The following PTBP3 variants were observed in gnomAD, a reference collection of about 807,000 sequenced individuals.
PTBP3 encodes the protein polypyrimidine tract binding protein 3.
In PTBP3, 20 loss-of-function variants were observed where a neutral mutation model predicts 58.7. That is an observed-to-expected ratio of 0.34 (90% confidence interval 0.24 to 0.50). The LOEUF (loss-of-function observed/expected upper bound fraction) is 0.50, where lower values mean the gene tolerates loss of function less well. Among genes scored for constraint, PTBP3 ranks in the 20% least tolerant of loss-of-function variants. The pLI is 0.98. For missense variants in PTBP3, 509 were observed against 637.2 expected, an observed-to-expected ratio of 0.80 and a Z score of 2.17; for synonymous variants, 185 against 219.8, an observed-to-expected ratio of 0.84 and a Z score of 1.40.
At chr9:112,249,244 G>A (rs1039277389) in intron 7 of PTBP3, among the ~76,000 whole-genome samples, 1 of 152,088 alleles carries the variant, frequency 6.6e-6, no homozygotes, top group African/African-American at 2.4e-5. Context: ...TACACGGGGT[G>A]CTTCTTCAGT....
At chr9:112,231,940 AAGAGAAGAGAAGAGAAGAGAAGAGAAG>A (rs1377759773) in intron 9 of PTBP3, among the ~76,000 whole-genome samples, 132 bp downstream of exon 9, 3 of 78,902 alleles carry the variant, frequency 3.8e-5, no homozygotes, top group African/African-American at 1.6e-4. Flanking sequence ...AAGAGAAGAG[AAGAGAAGAGAAGAGAAGAGAAGAGAAG>A]AGAGAAGAGA....
At chr9:112,336,711 C>T (rs1479069354), upstream of PTBP3, among the ~76,000 whole-genome samples, 4 of 151,970 alleles carry the variant, frequency 2.6e-5, no homozygotes, top group Admixed American at 2.0e-4. Flanking sequence ...AATAGCAGAG[C>T]GTGACCCCTA....
At chr9:112,287,013 C>T (rs145068443) in intron 2 of PTBP3, among the ~76,000 whole-genome samples, 1 of 152,186 alleles carries the variant, frequency 6.6e-6, no homozygotes, top group Non-Finnish European at 1.5e-5. Flanking sequence ...AGTGGTCCCC[C>T]CTCATCCGTC....
chr9:112,319,144 A>G (rs1356331084), intron 1 of PTBP3, among the ~76,000 whole-genome samples: 1 of 137,448 alleles, frequency 7.3e-6, no homozygotes, highest in East Asian at 2.1e-4. Flanking sequence ...AAAAAAAAAA[A>G]GAAAGAAAAT....
chr9:112,320,291 A>AAAATAT (rs1411646280), intron 1 of PTBP3, among the ~76,000 whole-genome samples: 303 of 73,464 alleles, frequency 4.1e-3, no homozygotes, highest in Middle Eastern at 8.3e-3. Flanking sequence ...AAAAAAAAAA[A>AAAATAT]ATATATATAT....
intron 5 of PTBP3, among the ~76,000 whole-genome samples, chr9:112,253,838 C>T (rs1369937255): frequency 1.3e-5 from 2 of 152,164 alleles, no homozygotes; most frequent in Non-Finnish European, 2.9e-5. Flanking sequence ...TTCCTGAAGC[C>T]TCCCCAGCCA....
At chr9:112,224,029 G>C (rs761390897) in intron 13 of PTBP3, 46 bp from the exon 14 acceptor site, 1 of 1,586,980 alleles carries the variant, frequency 6.3e-7, no homozygotes, top group Admixed American at 1.8e-5. Context: ...AATGAATTTT[G>C]CTTCCAAACT....
rs1196018626 is a variant in PTBP3, at chr9:112,222,094, T to C, written c.*1757A>G. 3.0e-6 allele frequency: 3 copies of C among 984,840 alleles called. No homozygotes were observed. Among genetic ancestry groups the C allele is most frequent in the Non-Finnish European group, 3.6e-6 (3 of 829,094 alleles). 61.0% of individuals were successfully genotyped at this position (984,840 alleles called of 1,614,324 possible). ...ACAGGCGCACAGGCGCACACCACCA[T>C]GCCCAGCAAGATATTCTTTATTCTT... On this transcript the variant is annotated 3_prime_UTR_variant, in exon 14 of 14. Transcript: ENST00000374257.
the PTBP3 span, among the ~76,000 whole-genome samples, chr9:112,367,775 CTTTATA>C: frequency 6.6e-6 from 1 of 152,060 alleles, no homozygotes; most frequent in African/African-American, 2.4e-5. Flanking sequence ...GTGAAGATCT[CTTTATA>C]TTTAATCTAT....
chr9:112,275,974 G>A lies in PTBP3; in HGVS notation c.74C>T (p.Pro25Leu). 6.2e-7 allele frequency: 1 copy of A among 1,613,252 alleles called. No individual in the cohort carries two copies. The highest frequency in any genetic ancestry group is 8.5e-7 in the Non-Finnish European group (1 of 1,179,484). ...GAGAACACGGGAAGGCGAACAGGGAGGTCTATCTCGTTTAAATTTCTTGCT... is the reference window on the plus strand; with the variant it reads ...GAGAACACGGGAAGGCGAACAGGGAAGTCTATCTCGTTTAAATTTCTTGCT... The part of the protein sequence containing the change: ...NDSKKFKRDR[P>L]PCSPSRVLHL... The change falls in exon 3 of 14, where the codon CCT (proline) becomes CTT (leucine). Residue 25 changes from proline to leucine, a missense_variant. Physicochemically the swap from Pro to Leu is moderately conservative, Grantham distance 98. Around this residue, in one of 4 missense-constraint regions of PTBP3, gnomAD observed 212 missense variants for 215.3 expected, o/e 0.98. Coordinates refer to ENST00000374257, the MANE Select transcript of PTBP3 (RefSeq NM_001163788.4).
chr9:112,264,979 AAAAC>A (rs1266930003), intron 4 of PTBP3, among the ~76,000 whole-genome samples: 5 of 152,358 alleles, frequency 3.3e-5, no homozygotes, highest in South Asian at 2.1e-4. Context: ...GACATAAAAG[AAAAC>A]AAACAAAATA....
At chr9:112,304,465 T>G (rs1019199755) in intron 1 of PTBP3, among the ~76,000 whole-genome samples, 1 of 152,254 alleles carries the variant, frequency 6.6e-6, no homozygotes, top group Non-Finnish European at 1.5e-5. Flanking sequence ...GATAAATCAT[T>G]CATCTTAATA....
intron 7 of PTBP3, among the ~76,000 whole-genome samples, chr9:112,243,067 A>C (rs1275951944): frequency 1.3e-5 from 2 of 151,086 alleles, no homozygotes; most frequent in Non-Finnish European, 2.9e-5. Context: ...TAATCTATAT[A>C]TCTATCCTTC....
the PTBP3 span, among the ~76,000 whole-genome samples, chr9:112,349,780 C>A: frequency 1.5e-3 from 212 of 138,430 alleles, no homozygotes; most frequent in Middle Eastern, 3.8e-3. Flanking sequence ...ACGAGAATCG[C>A]TTGAATCTGG....
Position 112,306,149 on chromosome 9 carries a change from T to C in PTBP3, c.-51-8233A>G, listed in dbSNP as rs570534468. 3.9e-5 allele frequency among the ~76,000 whole-genome samples: 6 copies of C among 152,190 alleles called. No individual in the cohort carries two copies. In the East Asian group the frequency reaches 1.2e-3, roughly 29 times the overall value. ...TGGTTAAATAAATATAACAAAATTA[T>C]TAATTTGCTTAATATTTTTTAAACT... On this transcript the variant is annotated intron_variant, in intron 1 of 13. Transcript: ENST00000374257.
At chr9:112,337,269 A>G, upstream of PTBP3, among the ~76,000 whole-genome samples, 1 of 152,160 alleles carries the variant, frequency 6.6e-6, no homozygotes, top group East Asian at 1.9e-4. Context: ...GCCTCAAGTG[A>G]TCTGCTTGCC....
chr9:112,240,762 G>A (rs958120173), intron 7 of PTBP3, among the ~76,000 whole-genome samples: 7 of 151,538 alleles, frequency 4.6e-5, no homozygotes, highest in African/African-American at 1.7e-4. Flanking sequence ...CATGTTTACT[G>A]TCCCTGAAGA....
intron 7 of PTBP3, among the ~76,000 whole-genome samples, chr9:112,245,744 A>G (rs1201207260): frequency 6.6e-6 from 1 of 152,162 alleles, no homozygotes; most frequent in Non-Finnish European, 1.5e-5. Flanking sequence ...GAGTGCTCCA[A>G]TTATGAGGGT....
At chr9:112,246,112 AGCT>A (rs1835865945) in intron 7 of PTBP3, among the ~76,000 whole-genome samples, 1 of 151,702 alleles carries the variant, frequency 6.6e-6, no homozygotes, top group South Asian at 2.1e-4. Context: ...CCCCCCTAGT[AGCT>A]GGGACTACAG....
Sources: gnomAD v4.1 joint callset for allele counts (sites outside exome capture counted in the v4.1 genomes callset) on GRCh38, gnomAD v4.1.1 for gene constraint, gnomAD v4.1.1 regional missense constraint, MANE v1.5 for transcripts, NCBI Gene and HGNC (gene_info 2026-07-23, HGNC 2026-07-21) for gene names.